Variants in CDC42BPA observed in about 807,000 individuals in gnomAD.
The protein encoded by CDC42BPA is CDC42 binding protein kinase alpha.
A neutral mutation model predicts 223.5 loss-of-function variants in CDC42BPA; 80 were observed. The ratio of observed to expected loss-of-function variants is 0.36; its 90% CI spans 0.30 to 0.43. The LOEUF (loss-of-function observed/expected upper bound fraction) is 0.43, where lower values mean the gene tolerates loss of function less well. Ranked by LOEUF, CDC42BPA falls within the 20% of genes least tolerant of loss-of-function variation. CDC42BPA has a pLI of 1.00. For synonymous variants in CDC42BPA, 694 were observed against 718.6 expected, an observed-to-expected ratio of 0.97 and a Z score of 0.55; for missense variants, 1,743 against 2,099.9, an observed-to-expected ratio of 0.83 and a Z score of 3.32.
Position 227,035,666 on chromosome 1 carries a change from G to C in CDC42BPA, c.3200-59C>G, listed in dbSNP as rs10495272. 6 of 1,335,660 alleles carry C rather than the reference G, an allele frequency of 4.5e-6. No homozygotes were observed. In the East Asian group the frequency reaches 1.5e-4, roughly 33 times the overall value. The allele number at this position is 1,335,660 out of a possible 1,614,324, so 82.7% of individuals were successfully genotyped here. A position where few individuals can be genotyped will look rare whatever the true frequency, so the allele number is the denominator to read the frequency against. ...ATTCATTTTAACAAAAAGAAAATTC[G>C]TAACACTCACTGCATACAAGATGCT... is the stretch of plus-strand genomic sequence containing the variant. On this transcript the variant is annotated intron_variant, in intron 24 of 36. Coordinates refer to ENST00000366766, the MANE Select transcript of CDC42BPA (RefSeq NM_001394014.1).
intron 5 of CDC42BPA, among the ~76,000 whole-genome samples, chr1:227,162,819 G>A (rs1348844396): frequency 6.6e-6 from 1 of 151,120 alleles, no homozygotes; most frequent in Non-Finnish European, 1.5e-5. Flanking sequence ...CTGGGTGATG[G>A]AATGAGAAAC....
intron 1 of CDC42BPA, among the ~76,000 whole-genome samples, chr1:227,284,198 G>T (rs1428783751): frequency 6.6e-6 from 1 of 151,986 alleles, no homozygotes; most frequent in Non-Finnish European, 1.5e-5. Context: ...TATTAAATAG[G>T]ATATTTTGAT....
chr1:227,201,698 T>G (rs1175589810), intron 3 of CDC42BPA, among the ~76,000 whole-genome samples: 1 of 151,608 alleles, frequency 6.6e-6, no homozygotes, highest in Non-Finnish European at 1.5e-5. Context: ...CACACACAGA[T>G]TATATATTCA....
At chr1:227,025,497 CTCT>C (rs1012223524) in intron 31 of CDC42BPA, among the ~76,000 whole-genome samples, 1 of 152,100 alleles carries the variant, frequency 6.6e-6, no homozygotes, top group African/African-American at 2.4e-5. Flanking sequence ...GAAACTATTG[CTCT>C]TCATTTTTGC....
At chr1:227,105,071 T>G (rs1225535706) in intron 14 of CDC42BPA, among the ~76,000 whole-genome samples, 2 of 152,198 alleles carry the variant, frequency 1.3e-5, no homozygotes, top group Non-Finnish European at 2.9e-5. Flanking sequence ...AAATCACTCA[T>G]TTAAAAGTGT....
chr1:227,028,774 C>G lies in CDC42BPA; in HGVS notation c.4315G>C (p.Glu1439Gln). Residue 1439 changes from glutamate to glutamine, a missense_variant, in exon 30 of 37, where the codon GAG (glutamate) becomes CAG (glutamine). Physicochemically the swap from Glu to Gln is conservative, Grantham distance 29. Transcript: ENST00000366766. The part of the protein sequence containing the change: ...HQPMDAICAV[E>Q]ISSKEYLLCF... ...AGCAGATATTCTTTACTGGAGATCTCAACTGCGCAGATAGCATCCATTGGT... is the reference window on the plus strand; with the variant it reads ...AGCAGATATTCTTTACTGGAGATCTGAACTGCGCAGATAGCATCCATTGGT... The G allele has an allele frequency of 6.2e-7, 1 of 1,614,050 alleles. No individual in the cohort carries two copies. Among genetic ancestry groups the G allele is most frequent in the Non-Finnish European group, 8.5e-7 (1 of 1,179,934 alleles).
rs76214123 is a variant in CDC42BPA at position 227,028,013 on chromosome 1, G to A, written c.4432+644C>T. 1.4e-3 allele frequency among the ~76,000 whole-genome samples: 211 copies of A among 151,924 alleles called. 1 individual carries two copies. In the East Asian group the frequency reaches 0.023, roughly 16 times the overall value. On this transcript the variant is annotated intron_variant, in intron 30 of 36. Transcript: ENST00000366766. The stretch of plus-strand genomic sequence containing the variant: ...TGTGCACCTGCTGTCCCAGCTACTC[G>A]GGAGGCTGAAGTAGGAGGACTGCTT...
chr1:227,199,623 T>C lies in CDC42BPA; in HGVS notation c.384A>G (p.Val128=), dbSNP rs775040910. 16 of 1,607,616 alleles carry C rather than the reference T, an allele frequency of 1.0e-5. No homozygotes were observed. Among genetic ancestry groups the C allele is most frequent in the Non-Finnish European group, 1.4e-5 (16 of 1,175,536 alleles). Residue 128 remains valine, a synonymous_variant, in exon 4 of 37, where the codon GTA becomes GTG. Transcript: ENST00000366766. ...ETACFREERD[V]LVNGDNKWIT... ...TCCATTTATTGTCTCCATTCACTAA[T>C]ACATCCCTTTCTTCACGAAAACATG... is the stretch of plus-strand genomic sequence containing the variant.
intron 10 of CDC42BPA, among the ~76,000 whole-genome samples, chr1:227,135,855 C>CAAAAAAAAAAAA (rs1175091904): frequency 7.6e-4 from 5 of 6,600 alleles, no homozygotes; most frequent in Non-Finnish European, 1.7e-3. Context: ...CTCTGTCTCC[C>CAAAAAAAAAAAA]AAAAAAAAAA....
chr1:227,317,811 C>A lies in CDC42BPA; in HGVS notation c.-629G>T, dbSNP rs1006513370. 1.4e-4 allele frequency: 55 copies of A among 398,612 alleles called. No individual in the cohort carries two copies. The highest frequency in any genetic ancestry group is 1.1e-3 in the African/African-American group (54 of 48,654). The allele number at this position is 398,612 out of a possible 1,614,324, so 24.7% of individuals were successfully genotyped here. A position where few individuals can be genotyped will look rare whatever the true frequency, so the allele number is the denominator to read the frequency against. Reference sequence around the variant, plus strand: ...TGAAGCAGCCCCTCGGCTCGGAGCACGCCAAGTCTTGCCCGGAGGCGGCTT... The same window carrying A: ...TGAAGCAGCCCCTCGGCTCGGAGCAAGCCAAGTCTTGCCCGGAGGCGGCTT... On this transcript the variant is annotated 5_prime_UTR_variant, in exon 1 of 37. Coordinates refer to ENST00000366766, the MANE Select transcript of CDC42BPA (RefSeq NM_001394014.1).
chr1:227,110,941 ATTAAC>A (rs1249979466), intron 14 of CDC42BPA, among the ~76,000 whole-genome samples: 1 of 152,226 alleles, frequency 6.6e-6, no homozygotes, highest in Admixed American at 6.5e-5. Flanking sequence ...TGATTCATTC[ATTAAC>A]TTAACAGGTT....
chr1:227,143,008 G>C lies in CDC42BPA; in HGVS notation c.1160C>G (p.Pro387Arg), dbSNP rs1320141825. The C allele has an allele frequency of 2.0e-6, 3 of 1,529,976 alleles. No homozygotes were observed. The highest frequency in any genetic ancestry group is 2.6e-6 in the Non-Finnish European group (3 of 1,148,484). The allele number at this position is 1,529,976 out of a possible 1,614,324, so 94.8% of individuals were successfully genotyped here. ...GTGGCCAGAAAATGCAGTATGTGTTGGTGGGGGCATCGTTTCCTAAAGGAG... is the reference window on the plus strand; with the variant it reads ...GTGGCCAGAAAATGCAGTATGTGTTCGTGGGGGCATCGTTTCCTAAAGGAG... ...CLKNSETMPPPTHTAFSGHHL... is the reference protein window; with the variant it reads ...CLKNSETMPPRTHTAFSGHHL... Residue 387 changes from proline to arginine, a missense_variant, in exon 9 of 37, where the codon CCA becomes CGA. Around this residue, in one of 6 missense-constraint regions of CDC42BPA, gnomAD observed 321 missense variants for 488.7 expected, o/e 0.66. Transcript: ENST00000366766.
At chr1:227,300,142 T>C (rs1236570665) in intron 1 of CDC42BPA, among the ~76,000 whole-genome samples, 1 of 152,152 alleles carries the variant, frequency 6.6e-6, no homozygotes, top group African/African-American at 2.4e-5. Flanking sequence ...AAGGCACCTC[T>C]CATTATTAAA....
intron 21 of CDC42BPA, among the ~76,000 whole-genome samples, chr1:227,056,392 CTT>C (rs566998997): frequency 3.4e-5 from 4 of 118,038 alleles, no homozygotes; most frequent in Non-Finnish European, 2.0e-5. Flanking sequence ...CTTTTCTTTT[CTT>C]TTTTTTTTTT....
At chr1:227,059,260 T>G (rs926976085) in intron 21 of CDC42BPA, 2 of 819,932 alleles carry the variant, frequency 2.4e-6, no homozygotes, top group Non-Finnish European at 4.0e-6. Context: ...AAGCATGCAA[T>G]AGATGTAATA....
intron 2 of CDC42BPA, among the ~76,000 whole-genome samples, chr1:227,222,956 G>T (rs1158668182): frequency 1.3e-5 from 2 of 152,066 alleles, no homozygotes; most frequent in African/African-American, 4.8e-5. Context: ...AATTCTCACA[G>T]TCCATTGTGC....
chr1:227,097,521 C>G (rs1452523471), intron 15 of CDC42BPA, among the ~76,000 whole-genome samples: 2 of 152,136 alleles, frequency 1.3e-5, no homozygotes, highest in South Asian at 4.1e-4. Context: ...AGGTGATGAT[C>G]AGGTGGTTGT....
At chr1:227,210,484 A>T (rs1365845104) in intron 3 of CDC42BPA, among the ~76,000 whole-genome samples, 2 of 152,166 alleles carry the variant, frequency 1.3e-5, no homozygotes, top group Non-Finnish European at 2.9e-5. Flanking sequence ...GGGAGAAGTG[A>T]GTCTATTCCA....
At chr1:227,256,433 T>C (rs1252615456) in intron 1 of CDC42BPA, among the ~76,000 whole-genome samples, 3 of 152,122 alleles carry the variant, frequency 2.0e-5, no homozygotes, top group Non-Finnish European at 4.4e-5. Flanking sequence ...CATGTATACC[T>C]ATGTAACAAA....
Sources: gnomAD v4.1 joint callset for allele counts (sites outside exome capture counted in the v4.1 genomes callset) on GRCh38, gnomAD v4.1.1 for gene constraint, gnomAD v4.1.1 regional missense constraint, MANE v1.5 for transcripts, NCBI Gene and HGNC (gene_info 2026-07-23, HGNC 2026-07-21) for gene names.